The following RSU1 variants were observed in gnomAD, a reference collection of about 807,000 sequenced individuals.
The protein encoded by RSU1 is Ras suppressor protein 1.
In RSU1, 26 loss-of-function variants were observed where a neutral mutation model predicts 31.1. The ratio of observed to expected loss-of-function variants is 0.84; its 90% CI spans 0.61 to 1.16. RSU1 has a LOEUF of 1.16. RSU1 is among the 50% of genes most tolerant of loss of function. The pLI is 0.00. For missense variants in RSU1, 320 were observed against 339.1 expected, an observed-to-expected ratio of 0.94 and a Z score of 0.44; for synonymous variants, 164 against 136.3, an observed-to-expected ratio of 1.20 and a Z score of -1.41.
intron 7 of RSU1, among the ~76,000 whole-genome samples, chr10:16,739,907 G>A (rs142769262): frequency 0.013 from 1,939 of 152,018 alleles, 32 homozygotes; most frequent in South Asian, 0.045. Context: ...CACCGTGCCC[G>A]GCCAAAATGT....
At chr10:16,757,604 C>A (rs1438239584) in intron 4 of RSU1, among the ~76,000 whole-genome samples, 1 of 152,200 alleles carries the variant, frequency 6.6e-6, no homozygotes, top group Admixed American at 6.5e-5. Flanking sequence ...TAAGATGGAG[C>A]TTGTCATTAA....
At chr10:16,665,134 G>A (rs531543369) in intron 8 of RSU1, among the ~76,000 whole-genome samples, 2 of 152,088 alleles carry the variant, frequency 1.3e-5, no homozygotes, top group East Asian at 1.9e-4. Context: ...AGTAGAGATG[G>A]GGTTTCGTCA....
chr10:16,685,816 G>C (rs1835431064), intron 8 of RSU1, among the ~76,000 whole-genome samples: 1 of 152,242 alleles, frequency 6.6e-6, no homozygotes, highest in Non-Finnish European at 1.5e-5. Context: ...TGAAGATGGA[G>C]TCGCTCTGGT....
rs558487458 is a variant in RSU1 at position 16,813,231 on chromosome 10, A to G, written c.109+3742T>C. On this transcript the variant is annotated intron_variant, in intron 2 of 8. Coordinates refer to ENST00000345264, the MANE Select transcript of RSU1 (RefSeq NM_012425.4). ...TGTGTGCAAATTACATGCCATGTTA[A>G]AACAAAATGATGGAAAATAAATAAA... 4.6e-5 allele frequency among the ~76,000 whole-genome samples: 7 copies of G among 152,320 alleles called. No homozygotes were observed. The East Asian group carries it at 1.4e-3, about 29-fold the overall frequency.
chr10:16,664,767 G>T (rs17138967), intron 8 of RSU1, among the ~76,000 whole-genome samples: 2,995 of 152,210 alleles, frequency 0.02, 49 homozygotes, highest in East Asian at 0.074. Flanking sequence ...ATCTTCTAAT[G>T]AAGTCTTTAG....
intron 7 of RSU1, among the ~76,000 whole-genome samples, chr10:16,698,239 C>G (rs1376753472): frequency 6.6e-6 from 1 of 151,948 alleles, no homozygotes; most frequent in Non-Finnish European, 1.5e-5. Context: ...TCTTTTCTAG[C>G]CTGCATCACA....
intron 2 of RSU1, among the ~76,000 whole-genome samples, chr10:16,793,998 T>C (rs1375312052): frequency 1.3e-5 from 2 of 152,028 alleles, no homozygotes; most frequent in Non-Finnish European, 2.9e-5. Flanking sequence ...ATTGAGCGCC[T>C]CAATAGAATA....
chr10:16,635,075 T>G (rs560155624), intron 8 of RSU1, among the ~76,000 whole-genome samples: 39 of 152,328 alleles, frequency 2.6e-4, no homozygotes, highest in African/African-American at 9.1e-4. Context: ...CATAAATGAA[T>G]GTTCACAGCA....
intron 7 of RSU1, among the ~76,000 whole-genome samples, chr10:16,734,037 C>T (rs535567655): frequency 2.0e-5 from 3 of 152,338 alleles, no homozygotes; most frequent in Non-Finnish European, 2.9e-5. Flanking sequence ...CCAGTCAGCC[C>T]TCTTCCAACA....
intron 7 of RSU1, among the ~76,000 whole-genome samples, chr10:16,718,771 A>T (rs1411804389): frequency 1.3e-5 from 2 of 152,106 alleles, no homozygotes; most frequent in African/African-American, 4.8e-5. Flanking sequence ...ACCTGAGGTT[A>T]GTAGATCAAG....
At chr10:16,740,227 C>G (rs1185111714) in intron 7 of RSU1, among the ~76,000 whole-genome samples, 1 of 151,812 alleles carries the variant, frequency 6.6e-6, no homozygotes, top group East Asian at 1.9e-4. Flanking sequence ...CAAATGAAAT[C>G]CAGAAATATA....
intron 8 of RSU1, among the ~76,000 whole-genome samples, chr10:16,682,904 T>C (rs55984015): frequency 6.6e-6 from 1 of 152,012 alleles, no homozygotes; most frequent in African/African-American, 2.4e-5. Flanking sequence ...AAGGACACAA[T>C]AGGGGTTGGT....
At chr10:16,686,099 GA>G (rs1243990608) in intron 8 of RSU1, among the ~76,000 whole-genome samples, 2 of 151,962 alleles carry the variant, frequency 1.3e-5, no homozygotes, top group African/African-American at 2.4e-5. Context: ...CAACACAGAA[GA>G]ATCCTTAAAT....
chr10:16,696,998 C>A (rs1468445785), intron 7 of RSU1, among the ~76,000 whole-genome samples: 1 of 151,938 alleles, frequency 6.6e-6, no homozygotes, highest in Non-Finnish European at 1.5e-5. Flanking sequence ...TGGTTTTTTT[C>A]TCTAATTTTT....
At chr10:16,785,490 A>G (rs1322195973) in intron 2 of RSU1, among the ~76,000 whole-genome samples, 1 of 117,680 alleles carries the variant, frequency 8.5e-6, no homozygotes, top group Non-Finnish European at 1.5e-5. Flanking sequence ...ACATATATAC[A>G]TATATATATA....
At chr10:16,765,953 A>G (rs1323449725) in intron 3 of RSU1, among the ~76,000 whole-genome samples, 2 of 152,232 alleles carry the variant, frequency 1.3e-5, no homozygotes, top group Non-Finnish European at 2.9e-5. Context: ...GCAGCTAGCC[A>G]TTTCAAGACG....
At chr10:16,794,865 G>A (rs979528982) in intron 2 of RSU1, among the ~76,000 whole-genome samples, 1 of 152,126 alleles carries the variant, frequency 6.6e-6, no homozygotes, top group Non-Finnish European at 1.5e-5. Flanking sequence ...AGCAAAGAAC[G>A]CACAGTTCCT....
chr10:16,594,412 T>A (rs1238231109), intron 8 of RSU1, among the ~76,000 whole-genome samples: 1 of 138,158 alleles, frequency 7.2e-6, no homozygotes, highest in Non-Finnish European at 1.5e-5. Flanking sequence ...GCGTCCGGCA[T>A]TTTTTTTTTT....
rs1381196224 is a variant in RSU1, at chr10:16,722,933, C to T, written c.599-27778G>A. 2.1e-5 allele frequency among the ~76,000 whole-genome samples: 3 copies of T among 146,146 alleles called. No homozygotes were observed. In the East Asian group the frequency reaches 6.1e-4, roughly 30 times the overall value. ...ATATACATATATGTATATATACACA[C>T]ATATACATATATGTATATATACACA... is the stretch of plus-strand genomic sequence containing the variant. On this transcript the variant is annotated intron_variant, in intron 7 of 8. Transcript: ENST00000345264.
Sources: gnomAD v4.1 joint callset for allele counts (sites outside exome capture counted in the v4.1 genomes callset) on GRCh38, gnomAD v4.1.1 for gene constraint, MANE v1.5 for transcripts, NCBI Gene and HGNC (gene_info 2026-07-23, HGNC 2026-07-21) for gene names.